The following VSTM2L variants were observed in gnomAD, a reference collection of about 807,000 sequenced individuals.
VSTM2L encodes V-set and transmembrane domain-containing protein 2-like protein.
In VSTM2L, 9 loss-of-function variants were observed where a neutral mutation model predicts 19.9. The observed-to-expected ratio is 0.45, with a 90% CI of 0.27 to 0.79. VSTM2L has a LOEUF of 0.79. VSTM2L is among the 30% of genes least tolerant of loss of function. VSTM2L has a pLI of 0.15. For missense variants in VSTM2L, 286 were observed against 295.5 expected (o/e 0.97, Z 0.24); for synonymous variants, 127 against 133.8 (o/e 0.95, Z 0.35).
intron 1 of VSTM2L, among the ~76,000 whole-genome samples, chr20:37,929,737 C>T (rs568801735): frequency 6.6e-6 from 1 of 152,074 alleles, no homozygotes; most frequent in Admixed American, 6.5e-5. Context: ...GAGAAGGGGC[C>T]AGATTCTGGA....
intron 3 of VSTM2L, among the ~76,000 whole-genome samples, chr20:37,941,021 G>A (rs73296454): frequency 0.07 from 10,629 of 152,224 alleles, 385 homozygotes; most frequent in Middle Eastern, 0.15. Flanking sequence ...ATCATCATGC[G>A]CATGTGACTT....
intron 1 of VSTM2L, among the ~76,000 whole-genome samples, chr20:37,925,114 G>C (rs908044792): frequency 1.3e-5 from 2 of 151,956 alleles, no homozygotes; most frequent in Admixed American, 1.3e-4. Context: ...CTCAGGAAAG[G>C]AAATGGATTT....
rs1568838086 is a variant in VSTM2L, at chr20:37,923,338, C to A, written c.122-8297C>A. On this transcript the variant is annotated intron_variant, in intron 1 of 3. Coordinates refer to ENST00000373461, the MANE Select transcript of VSTM2L (RefSeq NM_080607.3). ...CTTTCCCAGAAGCCAAACCCAGTGG[C>A]TCCGGCCAGAGCCACAGAGCCATTT... Among the ~76,000 whole-genome samples the A allele has an allele frequency of 3.3e-5, 5 of 152,182 alleles. No homozygotes were observed. In the South Asian group the frequency reaches 1.0e-3, roughly 32 times the overall value.
chr20:37,921,564 C>A (rs577002345), intron 1 of VSTM2L, among the ~76,000 whole-genome samples: 1 of 152,274 alleles, frequency 6.6e-6, no homozygotes, highest in South Asian at 2.1e-4. Flanking sequence ...GAATCTCCTG[C>A]CTTTAACTAG....
intron 3 of VSTM2L, among the ~76,000 whole-genome samples, chr20:37,936,937 T>C (rs981100492): frequency 1.3e-5 from 2 of 150,512 alleles, no homozygotes. Flanking sequence ...AAAAAAAAAA[T>C]CAGATGCTGG....
chr20:37,931,590 G>A (rs373809895), intron 1 of VSTM2L, 45 bp from the exon 2 acceptor site: 90 of 1,470,936 alleles, frequency 6.1e-5, no homozygotes, highest in Admixed American at 7.2e-5. Flanking sequence ...CACTAGCCCC[G>A]TGGTTTCCTG....
intron 1 of VSTM2L, among the ~76,000 whole-genome samples, chr20:37,929,976 C>T (rs1478182572): frequency 6.6e-6 from 1 of 152,108 alleles, no homozygotes; most frequent in East Asian, 1.9e-4. Flanking sequence ...TGATGGCGCC[C>T]CACACCATCC....
At chr20:37,904,418 G>C (rs2072739936) in intron 1 of VSTM2L, among the ~76,000 whole-genome samples, 1 of 152,278 alleles carries the variant, frequency 6.6e-6, no homozygotes, top group South Asian at 2.1e-4. Flanking sequence ...AGCATTCCCA[G>C]CACTGGCTGG....
intron 2 of VSTM2L, among the ~76,000 whole-genome samples, chr20:37,932,896 C>T (rs368389545): frequency 2.6e-5 from 4 of 152,368 alleles, no homozygotes; most frequent in East Asian, 3.9e-4. Flanking sequence ...CACACTCATA[C>T]ACTCCCCATG....
intron 3 of VSTM2L, 95 bp from the exon 4 acceptor site, chr20:37,943,886 C>A: frequency 7.6e-7 from 1 of 1,310,958 alleles, no homozygotes; most frequent in Non-Finnish European, 1.0e-6. Flanking sequence ...CTGGGGCTCC[C>A]GTCCTAGCAT....
chr20:37,937,436 A>C (rs1049563415), intron 3 of VSTM2L, among the ~76,000 whole-genome samples: 1 of 152,040 alleles, frequency 6.6e-6, no homozygotes, highest in East Asian at 1.9e-4. Flanking sequence ...TCAGGCAAAC[A>C]TTTCTGCTTA....
chr20:37,911,057 G>A (rs1002807915), intron 1 of VSTM2L, among the ~76,000 whole-genome samples: 1 of 151,692 alleles, frequency 6.6e-6, no homozygotes, highest in African/African-American at 2.4e-5. Context: ...TGGATCACAA[G>A]GTCAGGAGTT....
At chr20:37,908,946 C>T (rs921288687) in intron 1 of VSTM2L, among the ~76,000 whole-genome samples, 5 of 152,116 alleles carry the variant, frequency 3.3e-5, no homozygotes, top group Non-Finnish European at 7.4e-5. Flanking sequence ...TGTTTCGGGC[C>T]CACTGTTTAG....
intron 1 of VSTM2L, among the ~76,000 whole-genome samples, chr20:37,910,936 AAAGAAG>A (rs535141497): frequency 1.9e-3 from 292 of 151,020 alleles, no homozygotes; most frequent in South Asian, 5.0e-3. Flanking sequence ...AAAAAAAGAA[AAAGAAG>A]AAGAAGAAGA....
chr20:37,941,852 A>G lies in VSTM2L; in HGVS notation c.343-2129A>G, dbSNP rs761545316. 2.7e-5 allele frequency among the ~76,000 whole-genome samples: 4 copies of G among 150,728 alleles called. 1 individual carries two copies. In the East Asian group the frequency reaches 5.8e-4, roughly 22 times the overall value. On this transcript the variant is annotated intron_variant, in intron 3 of 3. Coordinates refer to ENST00000373461, the MANE Select transcript of VSTM2L (RefSeq NM_080607.3). Reference sequence around the variant, plus strand: ...GAAGAAGGGGCCAGGAAAGGAAAGAAGCCCCCTCCCACCACCACCACCCCT... The same window carrying G: ...GAAGAAGGGGCCAGGAAAGGAAAGAGGCCCCCTCCCACCACCACCACCCCT...
At chr20:37,903,525 G>A in intron 1 of VSTM2L, 54 bp downstream of exon 1, 3 of 1,393,824 alleles carry the variant, frequency 2.2e-6, no homozygotes, top group Non-Finnish European at 2.8e-6. Context: ...AACCCGGGCC[G>A]CGCCACTCCA....
Position 37,944,269 on chromosome 20 carries a change from C to T in VSTM2L, c.*16C>T, listed in dbSNP as rs1192871127. On this transcript the variant is annotated 3_prime_UTR_variant, in exon 4 of 4. Transcript: ENST00000373461. Reference sequence around the variant, plus strand: ...CAGCCTCTAGACTGATGCCCCTGCCCCCGCCCATCCGCCCCCACGCTGTAC... The same window carrying T: ...CAGCCTCTAGACTGATGCCCCTGCCTCCGCCCATCCGCCCCCACGCTGTAC... The T allele has an allele frequency of 3.4e-6, 5 of 1,472,408 alleles. No homozygotes were observed. In the South Asian group the frequency reaches 6.8e-5, roughly 20 times the overall value. 91.2% of individuals were successfully genotyped at this position (1,472,408 alleles called of 1,614,324 possible).
At chr20:37,919,791 T>G (rs1017775851) in intron 1 of VSTM2L, among the ~76,000 whole-genome samples, 1 of 152,120 alleles carries the variant, frequency 6.6e-6, no homozygotes, top group Non-Finnish European at 1.5e-5. Context: ...TGGGGGAAAT[T>G]TTGCAGCCAG....
chr20:37,903,813 C>T (rs1301742154), intron 1 of VSTM2L, among the ~76,000 whole-genome samples: 2 of 152,232 alleles, frequency 1.3e-5, no homozygotes, highest in Non-Finnish European at 2.9e-5. Context: ...AGGTCCCCCT[C>T]CTCACTGCAA....
Sources: allele counts gnomAD v4.1 joint callset (sites outside exome capture counted in the v4.1 genomes callset), GRCh38; gene constraint gnomAD v4.1.1; transcripts MANE v1.5; gene names NCBI Gene and HGNC (gene_info 2026-07-23, HGNC 2026-07-21).